DNER: variants seen among roughly 807,000 people sequenced by gnomAD.
DNER encodes the protein delta/notch like EGF repeat containing.
Under a neutral mutation model 78.2 loss-of-function variants are expected in DNER, and 33 were observed. The observed-to-expected ratio is 0.42, with a 90% CI of 0.32 to 0.56. DNER has a LOEUF of 0.56. DNER is among the 20% of genes least tolerant of loss of function. The pLI, the probability that DNER is intolerant of heterozygous loss-of-function variation, is 0.11. For missense variants in DNER, 918 were observed against 975.3 expected (o/e 0.94, Z 0.78); for synonymous variants, 417 against 384.8 (o/e 1.08, Z -0.98).
intron 7 of DNER, among the ~76,000 whole-genome samples, chr2:229,458,934 G>A (rs898412493): frequency 1.3e-5 from 2 of 151,924 alleles, no homozygotes; most frequent in African/African-American, 2.4e-5. Flanking sequence ...AGCATACAAA[G>A]TCAATATACA....
chr2:229,433,779 T>A (rs894344915), intron 8 of DNER, among the ~76,000 whole-genome samples: 2 of 152,154 alleles, frequency 1.3e-5, no homozygotes, highest in Admixed American at 6.5e-5. Flanking sequence ...AAAAATAATA[T>A]TATAGTTTTG....
chr2:229,615,289 T>A (rs1385916590), intron 1 of DNER, among the ~76,000 whole-genome samples: 1 of 151,720 alleles, frequency 6.6e-6, no homozygotes, highest in East Asian at 1.9e-4. Flanking sequence ...CACATGCCTG[T>A]AATCCCAGCT....
chr2:229,425,640 C>T (rs1693858437), intron 8 of DNER, among the ~76,000 whole-genome samples: 1 of 152,214 alleles, frequency 6.6e-6, no homozygotes, highest in East Asian at 1.9e-4. Context: ...GGCTCTGGTT[C>T]CACAGTGTGT....
chr2:229,674,184 C>T (rs1699261087), intron 1 of DNER, among the ~76,000 whole-genome samples: 1 of 152,214 alleles, frequency 6.6e-6, no homozygotes, highest in Non-Finnish European at 1.5e-5. Context: ...CCTGCACACT[C>T]CTGTGTAAAT....
intron 1 of DNER, among the ~76,000 whole-genome samples, chr2:229,634,171 C>T (rs1399192151): frequency 3.9e-5 from 6 of 152,056 alleles, no homozygotes; most frequent in African/African-American, 7.2e-5. Context: ...TTGTAACTTT[C>T]GTTAAAAATA....
chr2:229,391,082 C>T (rs943740807), intron 10 of DNER, among the ~76,000 whole-genome samples: 3 of 152,136 alleles, frequency 2.0e-5, no homozygotes, highest in African/African-American at 7.2e-5. Flanking sequence ...CCAGAAGACA[C>T]CCAAGGATGA....
intron 1 of DNER, among the ~76,000 whole-genome samples, chr2:229,703,660 C>A (rs1699785794): frequency 1.3e-5 from 2 of 152,184 alleles, no homozygotes; most frequent in South Asian, 4.1e-4. Context: ...GGGCAGATTT[C>A]TTGAGCCCAG....
At chr2:229,668,945 C>A (rs894903029) in intron 1 of DNER, among the ~76,000 whole-genome samples, 1 of 151,970 alleles carries the variant, frequency 6.6e-6, no homozygotes, top group African/African-American at 2.4e-5. Flanking sequence ...GCAGTATTCA[C>A]AATAGCAAAG....
At chr2:229,502,184 A>G (rs76630365) in intron 6 of DNER, among the ~76,000 whole-genome samples, 6 of 152,176 alleles carry the variant, frequency 3.9e-5, no homozygotes, top group Non-Finnish European at 7.3e-5. Context: ...GCATGGCCCT[A>G]TGAAGATTTG....
chr2:229,537,396 T>G (rs543444763), intron 5 of DNER, among the ~76,000 whole-genome samples: 1 of 152,296 alleles, frequency 6.6e-6, no homozygotes, highest in Non-Finnish European at 1.5e-5. Flanking sequence ...GCAGTGTTGC[T>G]CAGCAGTAGG....
chr2:229,462,152 G>T (rs1694716215), intron 7 of DNER, among the ~76,000 whole-genome samples: 1 of 152,140 alleles, frequency 6.6e-6, no homozygotes, highest in East Asian at 1.9e-4. Context: ...TAAGTAGAAA[G>T]AAATCAATAC....
intron 1 of DNER, among the ~76,000 whole-genome samples, chr2:229,639,323 C>T (rs1378654485): frequency 2.6e-5 from 4 of 151,238 alleles, no homozygotes; most frequent in Admixed American, 6.6e-5. Context: ...GGTGAGATCT[C>T]GGCTCACTGC....
At chr2:229,500,097 C>A (rs1163092304) in intron 6 of DNER, among the ~76,000 whole-genome samples, 4 of 152,104 alleles carry the variant, frequency 2.6e-5, no homozygotes, top group Admixed American at 2.0e-4. Flanking sequence ...CCACGCCCAA[C>A]TAATTTTTTG....
chr2:229,470,161 G>A (rs577555128), intron 7 of DNER, among the ~76,000 whole-genome samples: 10 of 152,296 alleles, frequency 6.6e-5, no homozygotes, highest in African/African-American at 2.4e-4. Context: ...ATTGTCACGT[G>A]CAGATCTTGA....
chr2:229,381,669 G>A (rs1313555428), intron 11 of DNER, among the ~76,000 whole-genome samples: 1 of 152,122 alleles, frequency 6.6e-6, no homozygotes, highest in Non-Finnish European at 1.5e-5. Flanking sequence ...CAGGAAGTTT[G>A]GATTGGACGG....
chr2:229,615,889 C>G lies in DNER; in HGVS notation c.277-24001G>C, dbSNP rs1167197853. 2.0e-5 allele frequency among the ~76,000 whole-genome samples: 3 copies of G among 152,060 alleles called. 1 individual carries two copies. Among genetic ancestry groups the G allele is most frequent in the African/African-American group, 7.2e-5 (3 of 41,400 alleles). ...GCTAAGAGTCTGGGTTTCTGAGGGT[C>G]TAATTCCCCAGGTAGACATGGACCT... is the stretch of plus-strand genomic sequence containing the variant. On this transcript the variant is annotated intron_variant, in intron 1 of 12. Transcript: ENST00000341772.
intron 1 of DNER, among the ~76,000 whole-genome samples, chr2:229,620,920 A>C (rs1324726696): frequency 1.3e-5 from 2 of 152,210 alleles, no homozygotes; most frequent in Non-Finnish European, 2.9e-5. Context: ...AGTTGTTTGC[A>C]AGCCAAGGAG....
chr2:229,455,479 A>G (rs901768951), intron 7 of DNER, among the ~76,000 whole-genome samples: 1 of 152,072 alleles, frequency 6.6e-6, no homozygotes, highest in Non-Finnish European at 1.5e-5. Context: ...CTGGCCTGTC[A>G]GTCAGTCTGT....
At chr2:229,606,562 C>T (rs1197171366) in intron 1 of DNER, among the ~76,000 whole-genome samples, 1 of 152,080 alleles carries the variant, frequency 6.6e-6, no homozygotes, top group Non-Finnish European at 1.5e-5. Context: ...ACAACATCTC[C>T]TTCATGTGGA....
Sources: allele counts gnomAD v4.1 joint callset (sites outside exome capture counted in the v4.1 genomes callset), GRCh38; gene constraint gnomAD v4.1.1; transcripts MANE v1.5; gene names NCBI Gene and HGNC (gene_info 2026-07-23, HGNC 2026-07-21).